The following URM1 variants were observed in gnomAD, a reference collection of about 807,000 sequenced individuals.
URM1 encodes ubiquitin related modifier 1.
URM1 carries 11 observed loss-of-function variants against 17.7 expected under a neutral mutation model. The ratio of observed to expected loss-of-function variants is 0.62; its 90% CI spans 0.39 to 1.03. URM1 has a LOEUF of 1.03. URM1 is among the 50% of genes least tolerant of loss of function. The pLI is 0.00. For synonymous variants in URM1, 48 were observed against 50.6 expected (o/e 0.95, Z 0.22); for missense variants, 128 against 129.2 (o/e 0.99, Z 0.04).
Position 128,389,955 on chromosome 9 carries a change from C to T in URM1, c.*221C>T. 3.3e-6 allele frequency: 2 copies of T among 601,730 alleles called. No homozygotes were observed. The highest frequency in any genetic ancestry group is 2.8e-6 in the Non-Finnish European group (1 of 351,334). 37.3% of individuals were successfully genotyped at this position (601,730 alleles called of 1,614,324 possible). ...CAGACAGGCGCCAGAGCCCAGCACTCCCTTTTCCAGCAGCTGTGGTGGGGG... is the reference window on the plus strand; with the variant it reads ...CAGACAGGCGCCAGAGCCCAGCACTTCCTTTTCCAGCAGCTGTGGTGGGGG... On this transcript the variant is annotated 3_prime_UTR_variant, in exon 5 of 5. Transcript: ENST00000372853.
intron 2 of URM1, among the ~76,000 whole-genome samples, chr9:128,386,389 CA>C: frequency 6.6e-6 from 1 of 152,350 alleles, no homozygotes; most frequent in South Asian, 2.1e-4. Flanking sequence ...GCATTTTCCC[CA>C]TCCCATGCCT....
chr9:128,371,491 G>A (rs1477504269), intron 1 of URM1, 76 bp downstream of exon 1: 3 of 1,455,126 alleles, frequency 2.1e-6, no homozygotes, highest in Non-Finnish European at 2.9e-6. Flanking sequence ...TCTGCCGTGG[G>A]GCCTGACACG....
intron 1 of URM1, among the ~76,000 whole-genome samples, chr9:128,372,629 T>C (rs889347166): frequency 6.6e-6 from 1 of 152,114 alleles, no homozygotes; most frequent in Non-Finnish European, 1.5e-5. Flanking sequence ...TGGATCCAAT[T>C]AGAACTGTAT....
intron 2 of URM1, among the ~76,000 whole-genome samples, chr9:128,381,960 A>C (rs1166384792): frequency 2.6e-5 from 4 of 152,214 alleles, no homozygotes; most frequent in African/African-American, 9.6e-5. Flanking sequence ...TTCAACTTTC[A>C]GATGACCCCA....
In URM1 at chr9:128,387,684, G is replaced by A. The variant is rs1441801340; in HGVS notation, c.107-132G>A. 3 of 1,437,406 alleles carry A rather than the reference G, an allele frequency of 2.1e-6. No homozygotes were observed. Among genetic ancestry groups the A allele is most frequent in the Non-Finnish European group, 2.8e-6 (3 of 1,058,844 alleles). The allele number at this position is 1,437,406 out of a possible 1,614,324, so 89.0% of individuals were successfully genotyped here. A position where few individuals can be genotyped will look rare whatever the true frequency, so the allele number is the denominator to read the frequency against. ...CACCTTTGGAATCTACAAGTTCATG[G>A]GCTATCACAGCCTGGTCTAAAAGAA... On this transcript the variant is annotated intron_variant, in intron 2 of 4. Transcript: ENST00000372853. This position sits in a 1 kb window ranked among gnomAD's most constrained non-coding sequence, Gnocchi z 4.3.
intron 2 of URM1, among the ~76,000 whole-genome samples, chr9:128,385,628 TG>T (rs1478483595): frequency 6.6e-6 from 1 of 152,158 alleles, no homozygotes; most frequent in African/African-American, 2.4e-5. Flanking sequence ...CCTCCTCCCC[TG>T]GGCGCCTTTG....
chr9:128,388,522 G>A (rs1367720943), intron 3 of URM1: 6 of 985,850 alleles, frequency 6.1e-6, no homozygotes, highest in South Asian at 4.7e-5. Flanking sequence ...TGTGAGGCTC[G>A]CTTATTTGCC....
intron 1 of URM1, among the ~76,000 whole-genome samples, chr9:128,376,528 A>G (rs1435153590): frequency 6.6e-6 from 1 of 151,702 alleles, no homozygotes; most frequent in Non-Finnish European, 1.5e-5. Context: ...CAGGTGTGGT[A>G]GCACGTGCCT....
At chr9:128,388,071 G>A (rs1833251893) in intron 3 of URM1, 174 bp downstream of exon 3, 2 of 1,350,324 alleles carry the variant, frequency 1.5e-6, no homozygotes. Flanking sequence ...CCGAACTCTT[G>A]AGGATTTTTT....
chr9:128,373,096 G>C (rs1360370694), intron 1 of URM1, among the ~76,000 whole-genome samples: 1 of 151,986 alleles, frequency 6.6e-6, no homozygotes, highest in African/African-American at 2.4e-5. Context: ...CCCTTTTTCT[G>C]ACCCAATCAT....
At chr9:128,373,032 CAT>C (rs1410693873) in intron 1 of URM1, among the ~76,000 whole-genome samples, 1 of 152,302 alleles carries the variant, frequency 6.6e-6, no homozygotes, top group Non-Finnish European at 1.5e-5. Flanking sequence ...GTGGGGAAGT[CAT>C]GTGAGGAAGA....
At position 128,389,313 on chromosome 9, in the gene URM1, A is replaced by G. The variant is rs751217860; in HGVS notation, c.237+4A>G. 6.2e-7 allele frequency: 1 copy of G among 1,613,566 alleles called. No individual in the cohort carries two copies. Among genetic ancestry groups the G allele is most frequent in the Non-Finnish European group, 8.5e-7 (1 of 1,179,872 alleles). On this transcript the variant is annotated splice_donor_region_variant and intron_variant, in intron 4 of 4. Coordinates refer to ENST00000372853, the MANE Select transcript of URM1 (RefSeq NM_030914.4). ...CGATGCCGACTGGGAGCTACTGGTC[A>G]GTACCTTGGGGGACATCCCTCCCCC...
intron 1 of URM1, among the ~76,000 whole-genome samples, chr9:128,372,652 C>T (rs559276702): frequency 1.3e-5 from 2 of 152,108 alleles, no homozygotes; most frequent in Non-Finnish European, 2.9e-5. Context: ...GTCTGGACTC[C>T]TCACTGTTTT....
chr9:128,383,696 T>C (rs191591218), intron 2 of URM1, among the ~76,000 whole-genome samples: 1 of 152,136 alleles, frequency 6.6e-6, no homozygotes, highest in East Asian at 1.9e-4. Flanking sequence ...TCCCTGGAGG[T>C]GTTCAAAGAG....
chr9:128,387,058 T>G lies in URM1; in HGVS notation c.107-758T>G, dbSNP rs1833237822. ...GCCCCTAGGAAAGGACAGGTGACCC[T>G]GAAGACAGGTGGCTCTGAGCCTCCA... On this transcript the variant is annotated intron_variant, in intron 2 of 4. Transcript: ENST00000372853. This position sits in a 1 kb window ranked among gnomAD's most constrained non-coding sequence, Gnocchi z 4.3. Among the ~76,000 whole-genome samples the G allele has an allele frequency of 6.6e-6, 1 of 152,214 alleles. No individual in the cohort carries two copies. The highest frequency in any genetic ancestry group is 2.4e-5 in the African/African-American group (1 of 41,446).
chr9:128,373,280 G>A lies in URM1; in HGVS notation c.35+1865G>A, dbSNP rs189595087. Among the ~76,000 whole-genome samples, 361 of 149,622 alleles carry A rather than the reference G, an allele frequency of 2.4e-3. 5 individuals are homozygous for A. Among genetic ancestry groups the A allele is most frequent in the Middle Eastern group, 0.01 (3 of 292 alleles). On this transcript the variant is annotated intron_variant, in intron 1 of 4. Coordinates refer to ENST00000372853, the MANE Select transcript of URM1 (RefSeq NM_030914.4). Reference sequence around the variant, plus strand: ...ATGCCCAACATGATGCTCAACCCAGGTTCCTTCTCTCTTTGTCCTTGTGTT... The same window carrying A: ...ATGCCCAACATGATGCTCAACCCAGATTCCTTCTCTCTTTGTCCTTGTGTT...
At chr9:128,377,890 T>A in intron 1 of URM1, 146 bp from the exon 2 acceptor site, 2 of 726,002 alleles carry the variant, frequency 2.8e-6, no homozygotes, top group Non-Finnish European at 4.7e-6. Context: ...AAAGAATTAG[T>A]CACTGCACCC....
intron 1 of URM1, among the ~76,000 whole-genome samples, chr9:128,371,682 A>C (rs1833014455): frequency 6.6e-6 from 1 of 152,132 alleles, no homozygotes. Flanking sequence ...GGAGGTCGTG[A>C]CTGTTAGCAG....
chr9:128,373,541 C>T (rs1564409069), intron 1 of URM1, among the ~76,000 whole-genome samples: 1 of 152,218 alleles, frequency 6.6e-6, no homozygotes, highest in African/African-American at 2.4e-5. Context: ...GCCTCTAACA[C>T]CTTCCTTCTT....
Sources: allele counts gnomAD v4.1 joint callset (sites outside exome capture counted in the v4.1 genomes callset), GRCh38; gene constraint gnomAD v4.1.1; non-coding constraint Gnocchi (gnomAD v3.1); transcripts MANE v1.5; gene names NCBI Gene and HGNC (gene_info 2026-07-23, HGNC 2026-07-21).